ARHGEF1: variants seen among roughly 807,000 people sequenced by gnomAD.
The protein encoded by ARHGEF1 is Rho guanine nucleotide exchange factor 1, also known as 115 kDa guanine nucleotide exchange factor.
A neutral mutation model predicts 119.7 loss-of-function variants in ARHGEF1; 40 were observed. The ratio of observed to expected loss-of-function variants is 0.33; its 90% CI spans 0.26 to 0.44. The LOEUF (loss-of-function observed/expected upper bound fraction) is 0.44, where lower values mean the gene tolerates loss of function less well. ARHGEF1 is among the 20% of genes least tolerant of loss of function. The pLI, the probability that ARHGEF1 is intolerant of heterozygous loss-of-function variation, is 1.00. For missense variants in ARHGEF1, 976 were observed against 1,268.3 expected, an observed-to-expected ratio of 0.77 and a Z score of 3.50; for synonymous variants, 494 against 521.0, an observed-to-expected ratio of 0.95 and a Z score of 0.71.
In ARHGEF1 at chr19:41,888,095, G is replaced by A. The variant is rs150821873; in HGVS notation, c.13G>A (p.Ala5Thr). MEDFARGAASPGPSR... is the reference protein window; with the variant it reads MEDFTRGAASPGPSR... ...AGAGCCCAGGGAGATGGAAGACTTC[G>A]CCCGAGGGGCGGTGAGTGGACAGAG... Residue 5 changes from alanine (A) to threonine (T), a missense_variant, in exon 2 of 29, where the codon GCC (alanine) becomes ACC (threonine). Transcript: ENST00000354532. This position sits in a 1 kb window ranked among gnomAD's most constrained non-coding sequence, Gnocchi z 5.1. 14 of 1,613,604 alleles carry A rather than the reference G, an allele frequency of 8.7e-6. No individual in the cohort carries two copies. The highest frequency in any genetic ancestry group is 1.7e-4 in the Middle Eastern group (1 of 5,758).
intron 1 of ARHGEF1, chr19:41,884,497 A>G: frequency 6.2e-7 from 1 of 1,607,150 alleles, no homozygotes; most frequent in Non-Finnish European, 8.5e-7. Flanking sequence ...GGAGCAGGTG[A>G]GGGACGCGGT....
rs1295663797 is a variant in ARHGEF1, at chr19:41,883,962, C to G, written c.-20+673C>G. Among the ~76,000 whole-genome samples, 4 of 152,134 alleles carry G rather than the reference C, an allele frequency of 2.6e-5. No individual in the cohort carries two copies. The highest frequency in any genetic ancestry group is 9.7e-5 in the African/African-American group (4 of 41,414). On this transcript the variant is annotated intron_variant, in intron 1 of 28. Transcript: ENST00000354532. The surrounding 1 kb of genome is among the most constrained non-coding windows in gnomAD (Gnocchi z 7.6). Reference sequence around the variant, plus strand: ...TGTCAGAGGGAAAGTTGTGCTGGAACTCAAGACTATTGCTTTTCCGGTTCC... The same window carrying G: ...TGTCAGAGGGAAAGTTGTGCTGGAAGTCAAGACTATTGCTTTTCCGGTTCC...
chr19:41,901,857 A>C (rs1555849060), intron 14 of ARHGEF1, 30 bp from the exon 15 acceptor site: 2 of 1,602,024 alleles, frequency 1.2e-6, no homozygotes, highest in Non-Finnish European at 1.7e-6. Flanking sequence ...CACCCTCCCC[A>C]ACATGCTTCC....
At chr19:41,922,865 G>A (rs1289823091), upstream of ARHGEF1, among the ~76,000 whole-genome samples, 1 of 152,190 alleles carries the variant, frequency 6.6e-6, no homozygotes, top group East Asian at 1.9e-4. Context: ...GAGGCGGATC[G>A]ATCCCTGTCC....
rs80355400 is a variant in ARHGEF1, at chr19:41,888,483, C to T, written c.111+205C>T. On this transcript the variant is annotated intron_variant, in intron 3 of 28. Coordinates refer to ENST00000354532, the MANE Select transcript of ARHGEF1 (RefSeq NM_004706.4). This position sits in a 1 kb window ranked among gnomAD's most constrained non-coding sequence, Gnocchi z 5.1. ...TCTTACTCTTAACCCCATTTCTTAT[C>T]GTTGCTCTCTCCTCCCCCAGCATGG... Among the ~76,000 whole-genome samples the T allele has an allele frequency of 0.021, 3,160 of 152,206 alleles. 118 individuals carry two copies. Among genetic ancestry groups the T allele is most frequent in the African/African-American group, 0.071 (2,939 of 41,492 alleles).
chr19:41,884,315 G>A (rs1387567896), intron 1 of ARHGEF1: 1 of 1,158,376 alleles, frequency 8.6e-7, no homozygotes, highest in Non-Finnish European at 1.2e-6. Flanking sequence ...TAGAGTCGTC[G>A]GGGCCGGAGC....
intron 4 of ARHGEF1, 118 bp from the exon 5 acceptor site, chr19:41,891,907 G>A: frequency 1.2e-6 from 1 of 802,284 alleles, no homozygotes; most frequent in Non-Finnish European, 1.9e-6. Context: ...CAGAGGAAGT[G>A]GCAGTTGAGT....
chr19:41,908,784 C>T (rs2074734367), downstream of ARHGEF1: 2 of 553,118 alleles, frequency 3.6e-6, no homozygotes, highest in South Asian at 9.6e-5. The surrounding 1 kb of genome is among the most constrained non-coding windows in gnomAD (Gnocchi z 6.7). Context: ...ATCCCTCCTA[C>T]ATGGCATCTT....
chr19:41,919,422 C>G (rs972721781), upstream of ARHGEF1, among the ~76,000 whole-genome samples: 1 of 152,170 alleles, frequency 6.6e-6, no homozygotes, highest in African/African-American at 2.4e-5. Flanking sequence ...TAGGGCTGGA[C>G]ACACAGTATC....
At position 41,906,734 on chromosome 19, in the gene ARHGEF1, C is replaced by A; in HGVS notation, c.2687C>A (p.Pro896His). 6.2e-7 allele frequency: 1 copy of A among 1,611,358 alleles called. No individual in the cohort carries two copies. Among genetic ancestry groups the A allele is most frequent in the Non-Finnish European group, 8.5e-7 (1 of 1,178,982 alleles). ...GAGGAGGAATTTTGCCGCCTGAGAC[C>A]CCTCCTGTCTCAGCTTGGGGGGAAC... ...ELEEEFCRLR[P>H]LLSQLGGNSV... Residue 896 changes from proline to histidine, a missense_variant, in exon 28 of 29, where the codon CCC becomes CAC. Physicochemically the swap from Pro to His is moderately conservative, Grantham distance 77. This residue lies in a region of ARHGEF1 where 171 missense variants were observed against 180.6 expected (regional missense o/e 0.95). Coordinates refer to ENST00000354532, the MANE Select transcript of ARHGEF1 (RefSeq NM_004706.4). The surrounding 1 kb of genome is among the most constrained non-coding windows in gnomAD (Gnocchi z 4.5).
chr19:41,892,220 A>G lies in ARHGEF1; in HGVS notation c.324+97A>G, dbSNP rs1388487857. 10 of 1,560,586 alleles carry G rather than the reference A, an allele frequency of 6.4e-6. No homozygotes were observed. In the African/African-American group the frequency reaches 1.4e-4, roughly 21 times the overall value. Reference sequence around the variant, plus strand: ...GCCTCTGCCCTGAGGGCAGCTGCTGACCCAGGCCTTCCCCAGCACCCTCGC... The same window carrying G: ...GCCTCTGCCCTGAGGGCAGCTGCTGGCCCAGGCCTTCCCCAGCACCCTCGC... On this transcript the variant is annotated intron_variant, in intron 5 of 28. Coordinates refer to ENST00000354532, the MANE Select transcript of ARHGEF1 (RefSeq NM_004706.4). This position sits in a 1 kb window ranked among gnomAD's most constrained non-coding sequence, Gnocchi z 6.3.
Position 41,907,231 on chromosome 19 carries a change from G to C in ARHGEF1, c.*144G>C. 1 of 1,519,606 alleles carries C rather than the reference G, an allele frequency of 6.6e-7. No homozygotes were observed. The highest frequency in any genetic ancestry group is 2.0e-5 in the Admixed American group (1 of 48,852). The allele number at this position is 1,519,606 out of a possible 1,614,324, so 94.1% of individuals were successfully genotyped here. On this transcript the variant is annotated 3_prime_UTR_variant, in exon 29 of 29. Transcript: ENST00000354532. ...GAGCTGTGGGCCACGCCTGGGAGGG[G>C]CCCAGCTGGGGTTACTGGCCCCGCA...
chr19:41,915,497 C>T (rs1208492512), intron 18 of ARHGEF1, among the ~76,000 whole-genome samples: 1 of 151,888 alleles, frequency 6.6e-6, no homozygotes, highest in Non-Finnish European at 1.5e-5. Context: ...TCTCTGTGTC[C>T]CCATGTCTCT....
chr19:41,909,248 G>A, downstream of ARHGEF1: 4 of 1,231,918 alleles, frequency 3.2e-6, no homozygotes, highest in Non-Finnish European at 4.0e-6. The surrounding 1 kb of genome is among the most constrained non-coding windows in gnomAD (Gnocchi z 5.2). Context: ...AAGTGCCTCG[G>A]TTCCAGGACC....
chr19:41,888,795 T>A lies in ARHGEF1; in HGVS notation c.155T>A (p.Val52Glu), dbSNP rs1423692073. The A allele has an allele frequency of 6.2e-7, 1 of 1,614,010 alleles. No homozygotes were observed. Among genetic ancestry groups the A allele is most frequent in the African/African-American group, 1.3e-5 (1 of 74,912 alleles). ...AGCCAGTTCCAGAGCCTGGAGCAGG[T>A]GAAGCGGCGCCCAGCCCACCTCATG... ...QNSQFQSLEQVKRRPAHLMAL... is the reference protein window; with the variant it reads ...QNSQFQSLEQEKRRPAHLMAL... Residue 52 changes from valine (V) to glutamate (E), a missense_variant, in exon 4 of 29, where the codon GTG becomes GAG. By Grantham distance (121) the Val-to-Glu change is moderately radical. This residue lies in a region of ARHGEF1 where 519 missense variants were observed against 580.9 expected (regional missense o/e 0.89). Coordinates refer to ENST00000354532, the MANE Select transcript of ARHGEF1 (RefSeq NM_004706.4). The surrounding 1 kb of genome is among the most constrained non-coding windows in gnomAD (Gnocchi z 5.1).
At position 41,894,306 on chromosome 19, in the gene ARHGEF1, G is replaced by C; in HGVS notation, c.744G>C (p.Lys248Asn). 4 of 1,552,058 alleles carry C rather than the reference G, an allele frequency of 2.6e-6. No homozygotes were observed. Among genetic ancestry groups the C allele is most frequent in the Non-Finnish European group, 3.5e-6 (4 of 1,144,378 alleles). ...KKSGRNFFRK[K>N]VMGNRRSDEP... ...CGGGGAGGAACTTCTTCCGGAAAAAGGTGCTTCCCTCAGTGCCCCGTCCTG... is the reference window on the plus strand; with the variant it reads ...CGGGGAGGAACTTCTTCCGGAAAAACGTGCTTCCCTCAGTGCCCCGTCCTG... Residue 248 changes from lysine to asparagine, a missense_variant and splice_region_variant, in exon 9 of 29, where the codon AAG (lysine) becomes AAC (asparagine). By Grantham distance (94) the Lys-to-Asn change is moderately conservative. Around this residue, in one of 3 missense-constraint regions of ARHGEF1, gnomAD observed 519 missense variants for 580.9 expected, o/e 0.89. Coordinates refer to ENST00000354532, the MANE Select transcript of ARHGEF1 (RefSeq NM_004706.4).
chr19:41,909,511 G>T, downstream of ARHGEF1: 1 of 1,248,714 alleles, frequency 8.0e-7, no homozygotes, highest in Non-Finnish European at 1.0e-6. The surrounding 1 kb of genome is among the most constrained non-coding windows in gnomAD (Gnocchi z 5.2). Context: ...TGCAGGGGGA[G>T]CCCTGGGGCG....
rs1555849855 is a variant in ARHGEF1, at chr19:41,905,172, C to T, written c.2250-3C>T. Reference sequence around the variant, plus strand: ...TGCCCAGGGATTTGGCCTTTCTCCCCAGCTGGTGTGCTCTCATCACTGAGA... The same window carrying T: ...TGCCCAGGGATTTGGCCTTTCTCCCTAGCTGGTGTGCTCTCATCACTGAGA... On this transcript the variant is annotated splice_polypyrimidine_tract_variant and splice_region_variant and intron_variant, in intron 23 of 28. Transcript: ENST00000354532. This position sits in a 1 kb window ranked among gnomAD's most constrained non-coding sequence, Gnocchi z 6.4. 1 of 1,613,892 alleles carries T rather than the reference C, an allele frequency of 6.2e-7. No homozygotes were observed. The highest frequency in any genetic ancestry group is 8.5e-7 in the Non-Finnish European group (1 of 1,179,870).
rs2074329095 is a variant in ARHGEF1, at chr19:41,888,528, T to C, written c.112-224T>C. On this transcript the variant is annotated intron_variant, in intron 3 of 28. Transcript: ENST00000354532. This position sits in a 1 kb window ranked among gnomAD's most constrained non-coding sequence, Gnocchi z 5.1. ...GCATGGACCCCAATTTCTTCTCTCC[T>C]AATTTCTGTCCTCATCATCCACCAT... 1.3e-5 allele frequency among the ~76,000 whole-genome samples: 2 copies of C among 152,172 alleles called. No individual in the cohort carries two copies.
Sources: gnomAD v4.1 joint callset for allele counts (sites outside exome capture counted in the v4.1 genomes callset) on GRCh38, gnomAD v4.1.1 for gene constraint, gnomAD v4.1.1 regional missense constraint, Gnocchi (gnomAD v3.1) non-coding constraint, MANE v1.5 for transcripts, NCBI Gene and HGNC (gene_info 2026-07-23, HGNC 2026-07-21) for gene names.